NRG1: variants seen among roughly 807,000 people sequenced by gnomAD.
NRG1 encodes the protein pro-neuregulin-1, membrane-bound isoform.
A neutral mutation model predicts 63.8 loss-of-function variants in NRG1; 18 were observed. That is an observed-to-expected ratio of 0.28 (90% CI 0.19 to 0.42). The LOEUF (loss-of-function observed/expected upper bound fraction) is 0.42. Ranked by LOEUF, NRG1 falls within the 10% of genes least tolerant of loss-of-function variation. The probability of loss-of-function intolerance (pLI) is 1.00; values close to 1 mark genes in which losing one functional copy is unlikely to be tolerated. For synonymous variants in NRG1, 302 were observed against 301.3 expected (o/e 1.00, Z -0.02); for missense variants, 762 against 814.7 (o/e 0.94, Z 0.79).
At chr8:32,488,120 G>A (rs1481189768) in intron 1 of NRG1, among the ~76,000 whole-genome samples, 1 of 152,108 alleles carries the variant, frequency 6.6e-6, no homozygotes, top group Non-Finnish European at 1.5e-5. Flanking sequence ...GTTTTGTTTG[G>A]TTTTAATCTC....
At chr8:32,379,184 G>T (rs944182298) in intron 1 of NRG1, among the ~76,000 whole-genome samples, 23 of 151,980 alleles carry the variant, frequency 1.5e-4, no homozygotes, top group Non-Finnish European at 5.9e-5. Context: ...CACCTTGACA[G>T]ATTTTTTTCT....
chr8:32,408,934 C>CT (rs1306467309), intron 1 of NRG1, among the ~76,000 whole-genome samples: 2 of 152,072 alleles, frequency 1.3e-5, no homozygotes, highest in Non-Finnish European at 2.9e-5. Context: ...ATTCCACCCT[C>CT]TATGTCCATG....
intron 1 of NRG1, among the ~76,000 whole-genome samples, chr8:31,686,348 CAT>C (rs1352648276): frequency 1.3e-5 from 2 of 152,068 alleles, no homozygotes; most frequent in African/African-American, 4.8e-5. Flanking sequence ...TTTATTGTCA[CAT>C]GTGTCATTAA....
intron 1 of NRG1, among the ~76,000 whole-genome samples, chr8:31,979,582 T>C (rs2129630436): frequency 6.6e-6 from 1 of 152,202 alleles, no homozygotes; most frequent in African/African-American, 2.4e-5. Flanking sequence ...CAGTGGTTTC[T>C]TTGATATCAT....
At chr8:32,121,747 A>C (rs1833480762) in intron 1 of NRG1, among the ~76,000 whole-genome samples, 2 of 151,972 alleles carry the variant, frequency 1.3e-5, no homozygotes, top group South Asian at 4.1e-4. Context: ...ATTCTGCATA[A>C]ATTTATAGAT....
chr8:32,115,187 T>C (rs1246093504), intron 1 of NRG1, among the ~76,000 whole-genome samples: 1 of 151,964 alleles, frequency 6.6e-6, no homozygotes, highest in Non-Finnish European at 1.5e-5. Context: ...TATACCACCA[T>C]GCCTGGCTAA....
intron 1 of NRG1, among the ~76,000 whole-genome samples, chr8:32,089,484 T>A (rs1355531358): frequency 6.6e-6 from 1 of 152,200 alleles, no homozygotes; most frequent in African/African-American, 2.4e-5. Flanking sequence ...CTAAAATATT[T>A]TAAGTGCTTA....
intron 1 of NRG1, among the ~76,000 whole-genome samples, chr8:32,456,070 G>A (rs187638582): frequency 1.0e-3 from 156 of 152,252 alleles, no homozygotes; most frequent in Non-Finnish European, 1.9e-3. Context: ...GACTAATGCT[G>A]TTCTTTTTAC....
chr8:31,891,105 C>T (rs1360113394), intron 1 of NRG1, among the ~76,000 whole-genome samples: 4 of 152,148 alleles, frequency 2.6e-5, no homozygotes, highest in East Asian at 1.9e-4. Context: ...AATAATGGGT[C>T]GACTTGATAC....
At chr8:32,170,674 G>T (rs1839931592) in intron 1 of NRG1, among the ~76,000 whole-genome samples, 2 of 152,116 alleles carry the variant, frequency 1.3e-5, no homozygotes, top group Non-Finnish European at 2.9e-5. Flanking sequence ...TTCTATTTAA[G>T]GTGTTCAACT....
chr8:31,655,179 G>A (rs4733093), intron 1 of NRG1, among the ~76,000 whole-genome samples: 137,611 of 152,250 alleles, frequency 0.9, 63,571 homozygotes, highest in Non-Finnish European at 1. Context: ...TACTTATTCA[G>A]CAAATGTTTA....
At chr8:31,877,940 G>T (rs532777432) in intron 1 of NRG1, among the ~76,000 whole-genome samples, 1 of 152,250 alleles carries the variant, frequency 6.6e-6, no homozygotes, top group Non-Finnish European at 1.5e-5. Context: ...TACTTAAATC[G>T]CAGAGTACTG....
chr8:32,363,994 T>C (rs1167317086), intron 1 of NRG1, among the ~76,000 whole-genome samples: 1 of 151,630 alleles, frequency 6.6e-6, no homozygotes, highest in Non-Finnish European at 1.5e-5. Context: ...TTATAAACAA[T>C]TTTTTAAGAG....
chr8:31,640,523 T>A lies in NRG1; in HGVS notation c.37+1092T>A, dbSNP rs370730707. 1.6e-5 allele frequency: 26 copies of A among 1,611,632 alleles called. No individual in the cohort carries two copies. The highest frequency in any genetic ancestry group is 2.2e-5 in the Non-Finnish European group (26 of 1,179,386). On this transcript the variant is annotated intron_variant, in intron 1 of 10. Transcript: ENST00000519301. The surrounding 1 kb of genome is among the most constrained non-coding windows in gnomAD (Gnocchi z 6.3). The stretch of plus-strand genomic sequence containing the variant: ...GCCGGGGGCTTGAAGAAGGACTCGC[T>A]GCTCACCGTGCGCCTGGGGACCTGG...
intron 1 of NRG1, among the ~76,000 whole-genome samples, chr8:32,014,531 A>T (rs1311356679): frequency 6.6e-6 from 1 of 152,092 alleles, no homozygotes; most frequent in South Asian, 2.1e-4. Flanking sequence ...GCCAAGGAAC[A>T]CGTAGGTAGG....
intron 1 of NRG1, among the ~76,000 whole-genome samples, chr8:32,306,563 T>C (rs535991279): frequency 8.0e-4 from 122 of 152,306 alleles, no homozygotes; most frequent in Non-Finnish European, 1.4e-3. Context: ...CAAATGACAC[T>C]GTGGTTTATT....
At chr8:32,380,087 A>G (rs1810146363) in intron 1 of NRG1, among the ~76,000 whole-genome samples, 1 of 152,104 alleles carries the variant, frequency 6.6e-6, no homozygotes, top group African/African-American at 2.4e-5. Context: ...AAATTTATTT[A>G]TTACCTTTTT....
intron 1 of NRG1, among the ~76,000 whole-genome samples, chr8:31,829,274 C>G (rs1217306662): frequency 5.3e-5 from 8 of 152,188 alleles, no homozygotes; most frequent in African/African-American, 1.9e-4. Flanking sequence ...GCAAACTCCC[C>G]AAGAGAGATT....
chr8:31,748,398 T>C (rs769300934), intron 1 of NRG1, among the ~76,000 whole-genome samples: 27 of 151,946 alleles, frequency 1.8e-4, no homozygotes, highest in Non-Finnish European at 2.9e-4. Flanking sequence ...ATTTTGCTTA[T>C]GGTCACAAGT....
Sources: allele counts gnomAD v4.1 joint callset (sites outside exome capture counted in the v4.1 genomes callset), GRCh38; gene constraint gnomAD v4.1.1; non-coding constraint Gnocchi (gnomAD v3.1); transcripts MANE v1.5; gene names NCBI Gene and HGNC (gene_info 2026-07-23, HGNC 2026-07-21).